The following EML4 variants were observed in gnomAD, a reference collection of about 807,000 sequenced individuals.
EML4 encodes EMAP like 4, also known as echinoderm microtubule-associated protein-like 4.
In EML4, 72 loss-of-function variants were observed where a neutral mutation model predicts 129.0. The ratio of observed to expected loss-of-function variants is 0.56; its 90% CI spans 0.46 to 0.68. EML4 has a LOEUF of 0.68. Ranked by LOEUF, EML4 falls within the 30% of genes least tolerant of loss-of-function variation. The pLI, the probability that EML4 is intolerant of heterozygous loss-of-function variation, is 0.00. For synonymous variants in EML4, 532 were observed against 405.0 expected (o/e 1.31, Z -3.77); for missense variants, 1,363 against 1,190.6 (o/e 1.14, Z -2.13).
chr2:42,295,608 G>A (rs1002410003), intron 13 of EML4, 92 bp downstream of exon 13: 1 of 1,122,608 alleles, frequency 8.9e-7, no homozygotes, highest in African/African-American at 1.6e-5. Flanking sequence ...AAGAGCTGCA[G>A]TGTAACAATA....
intron 1 of EML4, among the ~76,000 whole-genome samples, chr2:42,232,274 T>C (rs1359485381): frequency 1.3e-5 from 2 of 152,176 alleles, no homozygotes; most frequent in Non-Finnish European, 2.9e-5. Context: ...AAGCCCTATA[T>C]ACTTTGATGT....
At chr2:42,229,038 A>G (rs751320423) in intron 1 of EML4, among the ~76,000 whole-genome samples, 3 of 152,156 alleles carry the variant, frequency 2.0e-5, no homozygotes, top group Non-Finnish European at 4.4e-5. Context: ...CTGCTAATGT[A>G]TTAGAAACTA....
rs531858290 is a variant in EML4 at position 42,290,556 on chromosome 2, T to A, written c.1218+2234T>A. ...AGCCTGGGCAAACATAATGAGACCT[T>A]GTCTCTACCAAAAAAAAAAAAAAAA... is the stretch of plus-strand genomic sequence containing the variant. On this transcript the variant is annotated intron_variant, in intron 11 of 22. Coordinates refer to ENST00000318522, the MANE Select transcript of EML4 (RefSeq NM_019063.5). Among the ~76,000 whole-genome samples, 15 of 148,606 alleles carry A rather than the reference T, an allele frequency of 1.0e-4. No individual in the cohort carries two copies. The East Asian group carries it at 3.0e-3, about 29-fold the overall frequency.
chr2:42,197,369 A>C (rs1357540614), intron 1 of EML4, among the ~76,000 whole-genome samples: 6 of 152,090 alleles, frequency 3.9e-5, no homozygotes, highest in African/African-American at 1.4e-4. Flanking sequence ...CCATCTTTTA[A>C]ACTTGTTAAT....
At chr2:42,240,737 C>G (rs1674972766) in intron 1 of EML4, among the ~76,000 whole-genome samples, 1 of 152,152 alleles carries the variant, frequency 6.6e-6, no homozygotes, top group South Asian at 2.1e-4. Flanking sequence ...CTGAAAGCAT[C>G]CTGTATTGCC....
At chr2:42,313,960 A>G (rs1220737044) in intron 17 of EML4, among the ~76,000 whole-genome samples, 1 of 151,762 alleles carries the variant, frequency 6.6e-6, no homozygotes, top group Non-Finnish European at 1.5e-5. Context: ...GCCTACCATC[A>G]CGATTCTTTT....
intron 5 of EML4, among the ~76,000 whole-genome samples, chr2:42,264,122 T>G (rs980844070): frequency 5.5e-5 from 8 of 146,254 alleles, no homozygotes; most frequent in African/African-American, 1.5e-4. Flanking sequence ...TTTTTTTTTT[T>G]TTTTTTTGAG....
At chr2:42,230,299 T>G (rs1292562659) in intron 1 of EML4, among the ~76,000 whole-genome samples, 1 of 152,230 alleles carries the variant, frequency 6.6e-6, no homozygotes, top group African/African-American at 2.4e-5. Flanking sequence ...TTAGGAATTT[T>G]AAATGTAACT....
chr2:42,250,369 A>T (rs1268048786), intron 2 of EML4, among the ~76,000 whole-genome samples: 1 of 152,156 alleles, frequency 6.6e-6, no homozygotes, highest in Non-Finnish European at 1.5e-5. Flanking sequence ...ATTTGGGAGG[A>T]TTCAGGGATT....
chr2:42,174,851 T>A (rs1200834792), intron 1 of EML4, among the ~76,000 whole-genome samples: 22 of 152,108 alleles, frequency 1.4e-4, no homozygotes, highest in Admixed American at 1.4e-3. Context: ...AGAGTCTTGC[T>A]CTGTTGCCCA....
At chr2:42,247,132 C>G (rs1186698247) in intron 2 of EML4, among the ~76,000 whole-genome samples, 2 of 151,924 alleles carry the variant, frequency 1.3e-5, no homozygotes, top group African/African-American at 4.8e-5. Flanking sequence ...AGGTTGAGGA[C>G]AAAAAGGCAG....
At chr2:42,185,121 T>C (rs1003787940) in intron 1 of EML4, among the ~76,000 whole-genome samples, 16 of 152,176 alleles carry the variant, frequency 1.1e-4, no homozygotes, top group African/African-American at 3.9e-4. Context: ...TTTTTCATTT[T>C]ATAAAGAAAC....
chr2:42,179,256 G>T (rs1426740654), intron 1 of EML4, among the ~76,000 whole-genome samples: 3 of 126,160 alleles, frequency 2.4e-5, no homozygotes, highest in African/African-American at 8.9e-5. Context: ...AAACGTCGGG[G>T]AGCTGGGTTT....
intron 1 of EML4, among the ~76,000 whole-genome samples, chr2:42,216,009 C>A (rs923817955): frequency 3.3e-5 from 5 of 151,166 alleles, no homozygotes; most frequent in African/African-American, 1.2e-4. Context: ...CAACCTCCAC[C>A]TTCTGGTTGA....
At chr2:42,203,101 C>T (rs1672334841) in intron 1 of EML4, among the ~76,000 whole-genome samples, 1 of 152,052 alleles carries the variant, frequency 6.6e-6, no homozygotes, top group African/African-American at 2.4e-5. Context: ...AATGTTCTCA[C>T]CATAAAGAAG....
intron 2 of EML4, among the ~76,000 whole-genome samples, chr2:42,254,424 C>T (rs1432990321): frequency 6.7e-6 from 1 of 149,438 alleles, no homozygotes; most frequent in Non-Finnish European, 1.5e-5. Flanking sequence ...TGACATGGCA[C>T]TCCAGCCTGG....
At chr2:42,328,840 A>C (rs776980173) in intron 21 of EML4, 46 bp from the exon 22 acceptor site, 29 of 1,520,024 alleles carry the variant, frequency 1.9e-5, no homozygotes, top group Non-Finnish European at 2.5e-5. Context: ...TCACAGTTAT[A>C]TTTCTTCAGC....
intron 2 of EML4, among the ~76,000 whole-genome samples, chr2:42,254,291 C>T (rs1214725568): frequency 2.0e-5 from 3 of 151,396 alleles, no homozygotes; most frequent in South Asian, 2.1e-4. Context: ...CCTGTCTCTA[C>T]GAAAAAAATA....
At chr2:42,322,144 T>G (rs967956158) in intron 19 of EML4, among the ~76,000 whole-genome samples, 3 of 152,236 alleles carry the variant, frequency 2.0e-5, no homozygotes, top group East Asian at 1.9e-4. Context: ...AGATTTATGT[T>G]TTTATGAAGT....
Sources: allele counts gnomAD v4.1 joint callset (sites outside exome capture counted in the v4.1 genomes callset), GRCh38; gene constraint gnomAD v4.1.1; transcripts MANE v1.5; gene names NCBI Gene and HGNC (gene_info 2026-07-23, HGNC 2026-07-21).